FOXP2: variants seen among roughly 807,000 people sequenced by gnomAD.
FOXP2 encodes the protein forkhead box protein P2.
Under a neutral mutation model 115.8 loss-of-function variants are expected in FOXP2, and 12 were observed. That is an observed-to-expected ratio of 0.10 (90% CI 0.07 to 0.17). The LOEUF is 0.17. FOXP2 is among the 10% of genes least tolerant of loss of function. FOXP2 has a pLI of 1.00. For missense variants in FOXP2, 629 were observed against 843.5 expected, an observed-to-expected ratio of 0.75 and a Z score of 3.15; for synonymous variants, 328 against 297.7, an observed-to-expected ratio of 1.10 and a Z score of -1.05.
intron 7 of FOXP2, among the ~76,000 whole-genome samples, 175 bp downstream of exon 7, chr7:114,642,798 A>T (rs1584983998): frequency 5.3e-5 from 2 of 37,992 alleles, no homozygotes; most frequent in East Asian, 8.2e-4. Flanking sequence ...ATATATATAT[A>T]TATATATATA....
At chr7:114,245,142 C>T (rs1452018935) in intron 1 of FOXP2, among the ~76,000 whole-genome samples, 1 of 152,134 alleles carries the variant, frequency 6.6e-6, no homozygotes, top group Admixed American at 6.6e-5. Context: ...ATGGATTATA[C>T]CTTTTTTCTA....
chr7:114,427,311 TGG>T (rs1793902585), intron 2 of FOXP2, among the ~76,000 whole-genome samples: 2 of 151,540 alleles, frequency 1.3e-5, no homozygotes, highest in Non-Finnish European at 3.0e-5. Flanking sequence ...TCTTTAAATC[TGG>T]AAATGTTAAC....
intron 16 of FOXP2, among the ~76,000 whole-genome samples, chr7:114,679,190 C>T (rs964204175): frequency 1.3e-5 from 2 of 152,050 alleles, no homozygotes; most frequent in Admixed American, 1.3e-4. Context: ...GTCTCGAATT[C>T]CTGACCTCAT....
At chr7:114,329,215 G>A (rs888599999) in intron 2 of FOXP2, among the ~76,000 whole-genome samples, 45 of 151,926 alleles carry the variant, frequency 3.0e-4, no homozygotes, top group African/African-American at 1.1e-3. Flanking sequence ...ATTATGATTA[G>A]GCCAAAAAAT....
At chr7:114,634,914 G>A (rs918726094) in intron 6 of FOXP2, among the ~76,000 whole-genome samples, 4 of 152,042 alleles carry the variant, frequency 2.6e-5, no homozygotes, top group African/African-American at 9.7e-5. Flanking sequence ...TATATGGATA[G>A]GAATACATGT....
chr7:114,394,555 A>G (rs1792693615), intron 2 of FOXP2, among the ~76,000 whole-genome samples: 1 of 152,150 alleles, frequency 6.6e-6, no homozygotes, highest in African/African-American at 2.4e-5. Flanking sequence ...GCAGTGGAGA[A>G]GCCTGGCAGA....
Position 114,505,313 on chromosome 7 carries a change from G to A in FOXP2, c.169-29304G>A, listed in dbSNP as rs539170641. ...TTATTCTTTTCTGTTAATTAAGACA[G>A]GTCAGCAGGATTTCTACTTGGCAAC... On this transcript the variant is annotated intron_variant, in intron 2 of 16. Coordinates refer to ENST00000350908, the MANE Select transcript of FOXP2 (RefSeq NM_014491.4). Among the ~76,000 whole-genome samples the A allele has an allele frequency of 7.9e-4, 119 of 151,492 alleles. 1 individual carries two copies. In the South Asian group the frequency reaches 0.024, roughly 31 times the overall value.
intron 2 of FOXP2, among the ~76,000 whole-genome samples, chr7:114,337,164 A>G (rs927991520): frequency 6.6e-6 from 1 of 151,458 alleles, no homozygotes. Context: ...GTCTTTATAT[A>G]TAATGGTTTA....
At chr7:114,171,783 CA>C (rs1793148163) in intron 1 of FOXP2, among the ~76,000 whole-genome samples, 1 of 152,120 alleles carries the variant, frequency 6.6e-6, no homozygotes, top group Admixed American at 6.6e-5. Flanking sequence ...TGGAACTGGG[CA>C]AAGTCAATTG....
intron 1 of FOXP2, among the ~76,000 whole-genome samples, chr7:114,126,127 C>G (rs1264990726): frequency 1.3e-5 from 2 of 152,018 alleles, no homozygotes; most frequent in Non-Finnish European, 2.9e-5. Context: ...AAATGCAAGA[C>G]CAAGTGAATT....
intron 2 of FOXP2, among the ~76,000 whole-genome samples, chr7:114,396,118 A>T (rs1337196469): frequency 6.6e-6 from 1 of 150,388 alleles, no homozygotes; most frequent in Non-Finnish European, 1.5e-5. Flanking sequence ...TATTATTTCT[A>T]TTTTTTTTTG....
At chr7:114,650,481 A>C (rs909544683) in intron 8 of FOXP2, among the ~76,000 whole-genome samples, 8 of 152,102 alleles carry the variant, frequency 5.3e-5, no homozygotes, top group African/African-American at 1.9e-4. Context: ...TAAGAATACA[A>C]CACACAACTG....
chr7:114,116,019 A>T (rs1044549757), intron 1 of FOXP2, among the ~76,000 whole-genome samples: 2 of 151,904 alleles, frequency 1.3e-5, no homozygotes, highest in Non-Finnish European at 2.9e-5. Flanking sequence ...CATAAATAGA[A>T]TTTTTTTTGC....
intron 1 of FOXP2, among the ~76,000 whole-genome samples, chr7:114,128,082 G>A (rs1166586543): frequency 6.6e-6 from 1 of 152,156 alleles, no homozygotes; most frequent in Non-Finnish European, 1.5e-5. Flanking sequence ...GCTAATGATT[G>A]AACTGGTTTG....
chr7:114,594,501 G>A (rs1802599067), intron 3 of FOXP2, among the ~76,000 whole-genome samples: 1 of 152,046 alleles, frequency 6.6e-6, no homozygotes, highest in Non-Finnish European at 1.5e-5. Context: ...ACTGTGTGGA[G>A]TTGTCTCACT....
At chr7:114,572,904 C>T (rs903912032) in intron 3 of FOXP2, among the ~76,000 whole-genome samples, 3 of 151,930 alleles carry the variant, frequency 2.0e-5, no homozygotes, top group Middle Eastern at 3.4e-3. Context: ...ATTTGTTGCC[C>T]AAGTTTGTGA....
chr7:114,217,740 G>C (rs1794522678), intron 1 of FOXP2, among the ~76,000 whole-genome samples: 1 of 152,158 alleles, frequency 6.6e-6, no homozygotes, highest in Non-Finnish European at 1.5e-5. Flanking sequence ...CTCCAAATCT[G>C]CTATATAACA....
chr7:114,133,853 C>A (rs1791955814), intron 1 of FOXP2, among the ~76,000 whole-genome samples: 1 of 152,160 alleles, frequency 6.6e-6, no homozygotes, highest in Non-Finnish European at 1.5e-5. Flanking sequence ...TTTGACTTCT[C>A]CAGTATGTTG....
chr7:114,593,495 A>G (rs1802542532), intron 3 of FOXP2, among the ~76,000 whole-genome samples: 1 of 152,020 alleles, frequency 6.6e-6, no homozygotes, highest in South Asian at 2.1e-4. Context: ...TTTTTCTATC[A>G]ACGCTTATAT....
Sources: gnomAD v4.1 joint callset for allele counts (sites outside exome capture counted in the v4.1 genomes callset) on GRCh38, gnomAD v4.1.1 for gene constraint, MANE v1.5 for transcripts, NCBI Gene and HGNC (gene_info 2026-07-23, HGNC 2026-07-21) for gene names.